GRM8: variants seen among roughly 807,000 people sequenced by gnomAD.
GRM8 encodes the protein metabotropic glutamate receptor 8.
In GRM8, 47 loss-of-function variants were observed where a neutral mutation model predicts 87.2. The ratio of observed to expected loss-of-function variants is 0.54; its 90% CI spans 0.43 to 0.69. The LOEUF (loss-of-function observed/expected upper bound fraction) is 0.69, where lower values mean the gene tolerates loss of function less well. Among genes scored for constraint, GRM8 ranks in the 30% least tolerant of loss-of-function variants. GRM8 has a pLI of 0.00. For missense variants in GRM8, 1,019 were observed against 1,139.2 expected (o/e 0.89, Z 1.52); for synonymous variants, 396 against 404.5 (o/e 0.98, Z 0.25).
chr7:126,815,152 A>G (rs1314670532), intron 6 of GRM8, among the ~76,000 whole-genome samples: 1 of 152,126 alleles, frequency 6.6e-6, no homozygotes, highest in African/African-American at 2.4e-5. Context: ...CATGTCATGA[A>G]TAATTCTTTT....
In GRM8 at chr7:127,127,161, GAT is replaced by G. The variant is rs550421756; in HGVS notation, c.511-20451_511-20450del. 4.7e-3 allele frequency among the ~76,000 whole-genome samples: 710 copies of G among 151,926 alleles called. 7 individuals carry two copies. The highest frequency in any genetic ancestry group is 0.016 in the African/African-American group (668 of 41,486). On this transcript the variant is annotated intron_variant, in intron 2 of 10. Coordinates refer to ENST00000339582, the MANE Select transcript of GRM8 (RefSeq NM_000845.3). ...CAACCACTTTTGAAATAATTTGGCA[GAT>G]ATATATATCCCTTATGTGTGTGGGG... is the stretch of plus-strand genomic sequence containing the variant.
chr7:126,763,725 A>G (rs1414915164), intron 7 of GRM8, among the ~76,000 whole-genome samples: 1 of 151,612 alleles, frequency 6.6e-6, no homozygotes, highest in Admixed American at 6.6e-5. Context: ...AAATCACTCT[A>G]GTTATTTTTG....
chr7:126,538,059 G>A (rs900067526), intron 8 of GRM8, among the ~76,000 whole-genome samples: 11 of 151,972 alleles, frequency 7.2e-5, no homozygotes, highest in African/African-American at 2.7e-4. Flanking sequence ...ATCTTCCAGG[G>A]ACAAAAAAAT....
intron 7 of GRM8, among the ~76,000 whole-genome samples, chr7:126,655,209 C>G (rs773009493): frequency 1.3e-5 from 2 of 152,194 alleles, no homozygotes; most frequent in Admixed American, 1.3e-4. Flanking sequence ...CTTTGCCAGT[C>G]TATCATTCAC....
chr7:127,051,328 C>A (rs928304234), intron 3 of GRM8, among the ~76,000 whole-genome samples: 1 of 91,694 alleles, frequency 1.1e-5, no homozygotes, highest in African/African-American at 6.4e-5. Flanking sequence ...TGTTTCCCAA[C>A]CTTTTCCCTT....
At chr7:126,928,108 T>C (rs935631839) in intron 3 of GRM8, among the ~76,000 whole-genome samples, 1 of 151,534 alleles carries the variant, frequency 6.6e-6, no homozygotes, top group African/African-American at 2.4e-5. Context: ...CTCAGCAAAC[T>C]AACACAAGGA....
intron 7 of GRM8, among the ~76,000 whole-genome samples, chr7:126,756,561 T>C (rs997758930): frequency 6.6e-6 from 1 of 151,938 alleles, no homozygotes; most frequent in Non-Finnish European, 1.5e-5. Context: ...AAAGAGCCCT[T>C]AAAACTCAAT....
chr7:126,954,780 T>C (rs1808507901), intron 3 of GRM8, among the ~76,000 whole-genome samples: 1 of 152,224 alleles, frequency 6.6e-6, no homozygotes, highest in Admixed American at 6.5e-5. Context: ...ATTCAATACA[T>C]GCTTGCTTTT....
At chr7:126,745,741 T>A (rs547308189) in intron 7 of GRM8, among the ~76,000 whole-genome samples, 1 of 151,862 alleles carries the variant, frequency 6.6e-6, no homozygotes, top group South Asian at 2.1e-4. Context: ...ATATTCTCCC[T>A]AAGTCATGCT....
intron 6 of GRM8, among the ~76,000 whole-genome samples, chr7:126,793,666 A>G (rs892233767): frequency 6.6e-6 from 1 of 152,240 alleles, no homozygotes; most frequent in Non-Finnish European, 1.5e-5. Flanking sequence ...TTTAACCTAT[A>G]GAGTCACAAT....
intron 2 of GRM8, among the ~76,000 whole-genome samples, chr7:127,183,330 GA>G (rs1794572710): frequency 6.6e-6 from 1 of 151,636 alleles, no homozygotes; most frequent in African/African-American, 2.4e-5. Flanking sequence ...TAAAAGAATA[GA>G]AATCATACTA....
At chr7:126,729,054 G>A (rs1585693312) in intron 7 of GRM8, among the ~76,000 whole-genome samples, 1 of 152,132 alleles carries the variant, frequency 6.6e-6, no homozygotes, top group South Asian at 2.1e-4. Flanking sequence ...TGCCATAAAG[G>A]CTTCACAGCC....
intron 6 of GRM8, among the ~76,000 whole-genome samples, chr7:126,821,033 C>T (rs1794246391): frequency 6.6e-6 from 1 of 152,176 alleles, no homozygotes; most frequent in South Asian, 2.1e-4. Context: ...ACCTGGGAGG[C>T]AGAGGTTACA....
chr7:126,513,322 A>C (rs2237734), intron 9 of GRM8, among the ~76,000 whole-genome samples: 29,630 of 151,960 alleles, frequency 0.19, 3,390 homozygotes, highest in Non-Finnish European at 0.24. Flanking sequence ...TTTTTTAAGA[A>C]TCCCAGGACA....
At chr7:127,082,771 G>A (rs17869419) in intron 3 of GRM8, among the ~76,000 whole-genome samples, 15,192 of 152,100 alleles carry the variant, frequency 0.1, 2,522 homozygotes, top group African/African-American at 0.34. Context: ...CTTTACATGG[G>A]TTTTCTCTTT....
intron 7 of GRM8, among the ~76,000 whole-genome samples, chr7:126,763,458 TATATATATATATATAC>T (rs1215265768): frequency 4.9e-5 from 3 of 61,428 alleles, no homozygotes; most frequent in Non-Finnish European, 8.7e-5. Flanking sequence ...TATATATATA[TATATATATATATATAC>T]ACACACACAC....
chr7:127,204,370 C>T (rs568964130), intron 2 of GRM8, among the ~76,000 whole-genome samples: 1 of 152,320 alleles, frequency 6.6e-6, no homozygotes, highest in South Asian at 2.1e-4. Context: ...TCTGCAGCAG[C>T]TAAATGTCAG....
At chr7:126,938,502 T>G (rs778948574) in intron 3 of GRM8, among the ~76,000 whole-genome samples, 1 of 152,214 alleles carries the variant, frequency 6.6e-6, no homozygotes, top group Non-Finnish European at 1.5e-5. Context: ...TGTATACATA[T>G]GCATGAGCTA....
intron 6 of GRM8, among the ~76,000 whole-genome samples, chr7:126,833,590 AT>A (rs1795584735): frequency 6.6e-6 from 1 of 152,154 alleles, no homozygotes; most frequent in Admixed American, 6.6e-5. Flanking sequence ...GCTTTATCAC[AT>A]GAGAGACAGA....
Sources: gnomAD v4.1 joint callset for allele counts (sites outside exome capture counted in the v4.1 genomes callset) on GRCh38, gnomAD v4.1.1 for gene constraint, MANE v1.5 for transcripts, NCBI Gene and HGNC (gene_info 2026-07-23, HGNC 2026-07-21) for gene names.